The following PRDM16 variants were observed in gnomAD, a reference collection of about 807,000 sequenced individuals.
The protein encoded by PRDM16 is histone-lysine N-methyltransferase PRDM16.
A neutral mutation model predicts 110.6 loss-of-function variants in PRDM16; 23 were observed. The ratio of observed to expected loss-of-function variants is 0.21; its 90% CI spans 0.15 to 0.29. The LOEUF is 0.29. PRDM16 is among the 10% of genes least tolerant of loss of function. PRDM16 has a pLI of 1.00. For synonymous variants in PRDM16, 799 were observed against 781.8 expected, an observed-to-expected ratio of 1.02 and a Z score of -0.37; for missense variants, 1,615 against 1,794.3, an observed-to-expected ratio of 0.90 and a Z score of 1.81.
intron 2 of PRDM16, among the ~76,000 whole-genome samples, chr1:3,189,700 C>T (rs541026462): frequency 6.6e-6 from 1 of 152,166 alleles, no homozygotes; most frequent in Non-Finnish European, 1.5e-5. Context: ...GGCCTCCCTC[C>T]GTGCTGGCCT....
At chr1:3,335,152 A>G (rs972537627) in intron 3 of PRDM16, among the ~76,000 whole-genome samples, 3 of 152,230 alleles carry the variant, frequency 2.0e-5, no homozygotes, top group Non-Finnish European at 2.9e-5. Flanking sequence ...GAAGGAGCCC[A>G]GCGTGCGAAT....
At chr1:3,160,112 G>A (rs897497187) in intron 1 of PRDM16, among the ~76,000 whole-genome samples, 3 of 152,184 alleles carry the variant, frequency 2.0e-5, no homozygotes, top group Non-Finnish European at 2.9e-5. Context: ...ATGGGCAGCC[G>A]GGCATTTCTG....
At chr1:3,270,939 C>T (rs574484939) in intron 3 of PRDM16, among the ~76,000 whole-genome samples, 1 of 151,162 alleles carries the variant, frequency 6.6e-6, no homozygotes, top group Non-Finnish European at 1.5e-5. Flanking sequence ...ACGGCAGTTC[C>T]AGAGGGGCAG....
intron 1 of PRDM16, among the ~76,000 whole-genome samples, chr1:3,092,886 C>T (rs1642309657): frequency 6.6e-6 from 1 of 152,112 alleles, no homozygotes; most frequent in Admixed American, 6.6e-5. Context: ...AGCTGTGGCC[C>T]CTTTCCACGA....
At position 3,348,145 on chromosome 1, in the gene PRDM16, A is replaced by G. The variant is rs187137508; in HGVS notation, c.439-37007A>G. Among the ~76,000 whole-genome samples the G allele has an allele frequency of 3.2e-4, 48 of 151,966 alleles. No individual in the cohort carries two copies. In the East Asian group the frequency reaches 5.4e-3, roughly 17 times the overall value. Reference sequence around the variant, plus strand: ...GCAGAGGGGTTGCTGAGTCTCCCCAACCCACGTCCCAGCCTGGGGGGTCTG... The same window carrying G: ...GCAGAGGGGTTGCTGAGTCTCCCCAGCCCACGTCCCAGCCTGGGGGGTCTG... On this transcript the variant is annotated intron_variant, in intron 3 of 16. Coordinates refer to ENST00000270722, the MANE Select transcript of PRDM16 (RefSeq NM_022114.4).
At chr1:3,398,911 A>G (rs942292923) in intron 5 of PRDM16, among the ~76,000 whole-genome samples, 4 of 152,230 alleles carry the variant, frequency 2.6e-5, no homozygotes, top group African/African-American at 9.6e-5. Flanking sequence ...AAGAAGACAC[A>G]GGAGACCCTT....
At chr1:3,386,354 A>C (rs1346363588) in intron 4 of PRDM16, among the ~76,000 whole-genome samples, 2 of 152,266 alleles carry the variant, frequency 1.3e-5, no homozygotes, top group African/African-American at 2.4e-5. Context: ...TCGACTTTAC[A>C]GAAACAATTT....
At position 3,435,741 on chromosome 1, in the gene PRDM16, G is replaced by A. The variant is rs566849668; in HGVS notation, c.*1930G>A. 4.9e-4 allele frequency: 114 copies of A among 232,698 alleles called. 1 individual carries two copies. Among genetic ancestry groups the A allele is most frequent in the Non-Finnish European group, 7.0e-4 (82 of 117,708 alleles). 14.4% of individuals were successfully genotyped at this position (232,698 alleles called of 1,614,324 possible). A position where few individuals can be genotyped will look rare whatever the true frequency, so the allele number is the denominator to read the frequency against. On this transcript the variant is annotated 3_prime_UTR_variant, in exon 17 of 17. Transcript: ENST00000270722. The stretch of plus-strand genomic sequence containing the variant: ...CCCAGCGGTGACGGGAGGTGTCCTG[G>A]CTGCTCCAGGACAAAAGACAATCGT...
intron 3 of PRDM16, among the ~76,000 whole-genome samples, chr1:3,256,488 G>A (rs774011651): frequency 1.1e-4 from 16 of 152,110 alleles, no homozygotes; most frequent in Admixed American, 2.0e-4. Flanking sequence ...GAATTGCGGG[G>A]AGACAGGGAG....
intron 1 of PRDM16, among the ~76,000 whole-genome samples, chr1:3,173,922 G>A (rs1644057025): frequency 6.6e-6 from 1 of 152,256 alleles, no homozygotes; most frequent in African/African-American, 2.4e-5. Context: ...GGCTGGCAAG[G>A]AGGGTCATGT....
chr1:3,352,743 G>A (rs1642519107), intron 3 of PRDM16, among the ~76,000 whole-genome samples: 1 of 152,234 alleles, frequency 6.6e-6, no homozygotes, highest in Admixed American at 6.5e-5. Flanking sequence ...CAGAAAAGAA[G>A]CAGGCTGCGA....
intron 2 of PRDM16, among the ~76,000 whole-genome samples, chr1:3,193,880 C>G (rs1638383013): frequency 6.6e-6 from 1 of 152,184 alleles, no homozygotes; most frequent in Admixed American, 6.5e-5. Context: ...ATGGGAAATA[C>G]AGGTGTCAGG....
At chr1:3,319,713 G>A (rs1641696917) in intron 3 of PRDM16, among the ~76,000 whole-genome samples, 2 of 152,290 alleles carry the variant, frequency 1.3e-5, no homozygotes, top group Admixed American at 1.3e-4. Flanking sequence ...AGAAGGCTCA[G>A]CCCAGGTCTG....
intron 1 of PRDM16, among the ~76,000 whole-genome samples, chr1:3,169,405 C>A (rs571139550): frequency 2.6e-5 from 4 of 152,144 alleles, no homozygotes; most frequent in African/African-American, 4.8e-5. Context: ...TCCTCAGGGC[C>A]GGGGGTTGGA....
intron 2 of PRDM16, among the ~76,000 whole-genome samples, chr1:3,221,716 C>T (rs1030785205): frequency 6.6e-6 from 1 of 152,250 alleles, no homozygotes; most frequent in Admixed American, 6.5e-5. Flanking sequence ...CATGTACACG[C>T]ATGCACACAC....
rs375561064 is a variant in PRDM16 at position 3,236,909 on chromosome 1, C to T, written c.388-7178C>T. Reference sequence around the variant, plus strand: ...GGCCTGCCTGGCCCTTGGCCCTCCACCTCACCATGGAGGCCTCTTGTCCTG... The same window carrying T: ...GGCCTGCCTGGCCCTTGGCCCTCCATCTCACCATGGAGGCCTCTTGTCCTG... On this transcript the variant is annotated intron_variant, in intron 2 of 16. Coordinates refer to ENST00000270722, the MANE Select transcript of PRDM16 (RefSeq NM_022114.4). Among the ~76,000 whole-genome samples, 13 of 152,326 alleles carry T rather than the reference C, an allele frequency of 8.5e-5. 1 individual carries two copies. Among genetic ancestry groups the T allele is most frequent in the Admixed American group, 4.6e-4 (7 of 15,306 alleles).
At chr1:3,179,085 C>T (rs1644122540) in intron 1 of PRDM16, among the ~76,000 whole-genome samples, 1 of 152,246 alleles carries the variant, frequency 6.6e-6, no homozygotes, top group African/African-American at 2.4e-5. Flanking sequence ...CTTGGAGGAA[C>T]TCAGACAAAC....
chr1:3,370,413 T>A lies in PRDM16; in HGVS notation c.439-14739T>A, dbSNP rs1371073053. On this transcript the variant is annotated intron_variant, in intron 3 of 16. Transcript: ENST00000270722. The surrounding 1 kb of genome is among the most constrained non-coding windows in gnomAD (Gnocchi z 4.8). ...AAACGGAGGCATAGGGAGTGCTGGC[T>A]GACAGTCTCAGTCATCTGGAGGCGC... 1.3e-5 allele frequency among the ~76,000 whole-genome samples: 2 copies of A among 152,158 alleles called. No individual in the cohort carries two copies. The highest frequency in any genetic ancestry group is 2.9e-5 in the Non-Finnish European group (2 of 68,026).
rs1638936840 is a variant in PRDM16, at chr1:3,437,322, C to T, written c.*3511C>T. Reference sequence around the variant, plus strand: ...CTGGCGTCCTCTGCCTTCCCCGCTTCCCCATGAGCGTCTGCAAAACACTTG... The same window carrying T: ...CTGGCGTCCTCTGCCTTCCCCGCTTTCCCATGAGCGTCTGCAAAACACTTG... On this transcript the variant is annotated 3_prime_UTR_variant, in exon 17 of 17. Transcript: ENST00000270722. The T allele has an allele frequency of 4.3e-6, 1 of 232,964 alleles. No individual in the cohort carries two copies. The highest frequency in any genetic ancestry group is 2.2e-5 in the African/African-American group (1 of 45,346). The allele number at this position is 232,964 out of a possible 1,614,324, so 14.4% of individuals were successfully genotyped here. A position where few individuals can be genotyped will look rare whatever the true frequency, so the allele number is the denominator to read the frequency against.
Sources: allele counts gnomAD v4.1 joint callset (sites outside exome capture counted in the v4.1 genomes callset), GRCh38; gene constraint gnomAD v4.1.1; non-coding constraint Gnocchi (gnomAD v3.1); transcripts MANE v1.5; gene names NCBI Gene and HGNC (gene_info 2026-07-23, HGNC 2026-07-21).